The following DPP6 variants were observed in gnomAD, a reference collection of about 807,000 sequenced individuals.
The protein encoded by DPP6 is dipeptidyl peptidase like 6, also known as A-type potassium channel modulatory protein DPP6.
A neutral mutation model predicts 122.6 loss-of-function variants in DPP6; 69 were observed. The ratio of observed to expected loss-of-function variants is 0.56; its 90% confidence interval spans 0.46 to 0.69. The LOEUF is 0.69. DPP6 is among the 30% of genes least tolerant of loss of function. The pLI is 0.00. For missense variants in DPP6, 928 were observed against 1,116.9 expected (o/e 0.83, Z 2.41); for synonymous variants, 418 against 433.1 (o/e 0.97, Z 0.43).
At chr7:154,066,839 C>T (rs1386791369) in intron 1 of DPP6, among the ~76,000 whole-genome samples, 2 of 152,114 alleles carry the variant, frequency 1.3e-5, no homozygotes, top group Non-Finnish European at 2.9e-5. Context: ...GAGAGACAGG[C>T]ATGTGAGCAA....
chr7:154,185,167 G>A (rs1798292091), intron 1 of DPP6, among the ~76,000 whole-genome samples: 1 of 152,202 alleles, frequency 6.6e-6, no homozygotes. Flanking sequence ...TAATCACAAA[G>A]CATTCAAATG....
chr7:154,180,905 T>G (rs1242287952), intron 1 of DPP6, among the ~76,000 whole-genome samples: 1 of 152,208 alleles, frequency 6.6e-6, no homozygotes, highest in Non-Finnish European at 1.5e-5. Flanking sequence ...CAGCCATCAA[T>G]TAAATATTAA....
At chr7:153,849,199 G>C in the DPP6 span, among the ~76,000 whole-genome samples, 1 of 152,020 alleles carries the variant, frequency 6.6e-6, no homozygotes, top group Non-Finnish European at 1.5e-5. Context: ...ATGTTTTATA[G>C]GCCACACAGT....
intron 1 of DPP6, among the ~76,000 whole-genome samples, chr7:153,984,956 G>C (rs560398983): frequency 6.6e-6 from 1 of 152,162 alleles, no homozygotes; most frequent in African/African-American, 2.4e-5. Context: ...GGGATAAAGT[G>C]GCCAATGTGT....
intron 1 of DPP6, among the ~76,000 whole-genome samples, chr7:154,431,466 CTTTTCTT>C (rs1818383561): frequency 7.3e-5 from 1 of 13,696 alleles, no homozygotes; most frequent in Non-Finnish European, 1.2e-4. Context: ...CTTTTCTTTT[CTTTTCTT>C]TTCTTTTCTT....
chr7:154,088,927 A>T (rs912064343), intron 1 of DPP6, among the ~76,000 whole-genome samples: 1 of 152,216 alleles, frequency 6.6e-6, no homozygotes, highest in Non-Finnish European at 1.5e-5. Flanking sequence ...CTGGAGCCAC[A>T]TGTGGCTCCG....
chr7:154,147,335 T>C (rs1796144963), intron 1 of DPP6, among the ~76,000 whole-genome samples: 2 of 152,202 alleles, frequency 1.3e-5, no homozygotes, highest in South Asian at 2.1e-4. Flanking sequence ...GATGAATACA[T>C]GCATAAACAT....
chr7:153,925,533 G>T (rs374492491), intron 1 of DPP6, among the ~76,000 whole-genome samples: 7 of 152,118 alleles, frequency 4.6e-5, no homozygotes, highest in African/African-American at 1.7e-4. Context: ...ATGGTGGAGG[G>T]TCCCCGAGGT....
chr7:154,104,504 G>T (rs1024016449), intron 1 of DPP6, among the ~76,000 whole-genome samples: 1 of 152,368 alleles, frequency 6.6e-6, no homozygotes, highest in East Asian at 1.9e-4. Flanking sequence ...ACAAGGCATG[G>T]CATTCGTATT....
At chr7:154,801,706 A>G (rs958503184) in intron 13 of DPP6, among the ~76,000 whole-genome samples, 5 of 151,942 alleles carry the variant, frequency 3.3e-5, no homozygotes, top group African/African-American at 1.2e-4. Flanking sequence ...GTCAGCAGAG[A>G]CCCTGGGGTC....
chr7:154,593,182 C>T (rs1039723913), intron 5 of DPP6, among the ~76,000 whole-genome samples: 2 of 152,134 alleles, frequency 1.3e-5, no homozygotes, highest in Non-Finnish European at 2.9e-5. Context: ...TACCAACGAC[C>T]GTATTTACAT....
At chr7:154,846,632 C>T (rs996345607) in intron 16 of DPP6, among the ~76,000 whole-genome samples, 3 of 152,142 alleles carry the variant, frequency 2.0e-5, no homozygotes, top group Non-Finnish European at 4.4e-5. Flanking sequence ...CAGTCTTACC[C>T]GTGTGCAAAG....
At chr7:153,965,692 TTAG>T (rs903168895) in intron 1 of DPP6, among the ~76,000 whole-genome samples, 1 of 151,986 alleles carries the variant, frequency 6.6e-6, no homozygotes, top group Admixed American at 6.5e-5. Flanking sequence ...TTTTGTATTT[TTAG>T]TAAAAACGGG....
At chr7:154,107,564 A>C (rs1806256481) in intron 1 of DPP6, among the ~76,000 whole-genome samples, 2 of 152,212 alleles carry the variant, frequency 1.3e-5, no homozygotes, top group Admixed American at 6.5e-5. Context: ...GTAGATTTTA[A>C]ATATTTGTAC....
chr7:153,864,816 C>G, the DPP6 span, among the ~76,000 whole-genome samples: 1 of 152,050 alleles, frequency 6.6e-6, no homozygotes, highest in Non-Finnish European at 1.5e-5. Flanking sequence ...TGTAAACATG[C>G]AGGCTTTACT....
chr7:154,520,093 G>T (rs13246178), intron 3 of DPP6, among the ~76,000 whole-genome samples: 25,651 of 152,152 alleles, frequency 0.17, 2,143 homozygotes, highest in Middle Eastern at 0.21. Context: ...TGATTCCAAA[G>T]CCAGAAGTTA....
intron 1 of DPP6, among the ~76,000 whole-genome samples, chr7:153,889,893 C>T (rs1425790252): frequency 6.6e-6 from 1 of 152,236 alleles, no homozygotes; most frequent in African/African-American, 2.4e-5. Flanking sequence ...GGCTCCACAG[C>T]CTGCTGTGTA....
intron 7 of DPP6, among the ~76,000 whole-genome samples, chr7:154,723,075 T>A (rs916531): frequency 0.41 from 61,982 of 151,742 alleles, 13,086 homozygotes; most frequent in African/African-American, 0.52. Flanking sequence ...AGCCTGGGCA[T>A]CATGGCAAAA....
intron 5 of DPP6, among the ~76,000 whole-genome samples, chr7:154,608,333 A>ATT (rs1212849244): frequency 1.1e-4 from 12 of 113,464 alleles, no homozygotes; most frequent in Admixed American, 8.1e-4. Flanking sequence ...ATATATATAT[A>ATT]TATATATATT....
Sources: gnomAD v4.1 joint callset for allele counts (sites outside exome capture counted in the v4.1 genomes callset) on GRCh38, gnomAD v4.1.1 for gene constraint, MANE v1.5 for transcripts, NCBI Gene and HGNC (gene_info 2026-07-23, HGNC 2026-07-21) for gene names.